Variants in TTLL5 observed in about 807,000 individuals in gnomAD.
The protein encoded by TTLL5 is tubulin tyrosine ligase like 5, also known as tubulin polyglutamylase TTLL5.
TTLL5 carries 132 observed loss-of-function variants against 168.4 expected under a neutral mutation model. The ratio of observed to expected loss-of-function variants is 0.78; its 90% CI spans 0.68 to 0.91. The LOEUF is 0.91. TTLL5 is among the 40% of genes least tolerant of loss of function. TTLL5 has a pLI of 0.00. For synonymous variants in TTLL5, 546 were observed against 558.6 expected (o/e 0.98, Z 0.32); for missense variants, 1,545 against 1,581.5 (o/e 0.98, Z 0.39).
At chr14:75,710,995 G>A (rs1337823974) in intron 9 of TTLL5, 1 of 152,036 alleles carries the variant, frequency 6.6e-6, no homozygotes, top group Non-Finnish European at 1.5e-5. Flanking sequence ...TTAATACTAG[G>A]CGACAGAAAG....
At chr14:75,950,737 G>A (rs1443597538) in intron 31 of TTLL5, among the ~76,000 whole-genome samples, 1 of 152,180 alleles carries the variant, frequency 6.6e-6, no homozygotes, top group Non-Finnish European at 1.5e-5. Context: ...GGTGGCCAAG[G>A]AGGGAGGATC....
intron 20 of TTLL5, among the ~76,000 whole-genome samples, chr14:75,768,223 G>C (rs1025851526): frequency 2.0e-5 from 3 of 152,212 alleles, no homozygotes; most frequent in Non-Finnish European, 4.4e-5. Context: ...AGATGTAGCA[G>C]TTAGAGCAAT....
chr14:75,863,914 A>G (rs780193704), intron 29 of TTLL5, 52 bp downstream of exon 29: 1 of 1,142,506 alleles, frequency 8.8e-7, no homozygotes, highest in Non-Finnish European at 1.2e-6. Context: ...CTGTTGGTAA[A>G]AAAAAAAAAA....
chr14:75,706,703 G>GT (rs1372329877), intron 7 of TTLL5, among the ~76,000 whole-genome samples: 1 of 151,910 alleles, frequency 6.6e-6, no homozygotes, highest in Non-Finnish European at 1.5e-5. Context: ...TTCTTGGCAG[G>GT]TAACTATTTA....
chr14:75,855,150 G>GAAAAAAAAAA (rs55874311), intron 28 of TTLL5, among the ~76,000 whole-genome samples: 1 of 130,498 alleles, frequency 7.7e-6, no homozygotes, highest in Non-Finnish European at 1.6e-5. Context: ...TATGCTAGAA[G>GAAAAAAAAAA]AAAAAAAAAA....
In TTLL5 at chr14:75,926,156, C is replaced by CTTTT. The variant is rs34048806; in HGVS notation, c.3823+23957_3823+23960dup. 3.1e-3 allele frequency among the ~76,000 whole-genome samples: 93 copies of CTTTT among 29,944 alleles called. 22 individuals carry two copies. Among genetic ancestry groups the CTTTT allele is most frequent in the African/African-American group, 8.5e-3 (44 of 5,176 alleles). 19.6% of individuals were successfully genotyped at this position (29,944 alleles called of 152,430 possible). ...TTAAAGACTAGGATTGCAACCCCAG[C>CTTTT]TTTTTTTTTTTTTTTTTTTTTTTTT... On this transcript the variant is annotated intron_variant, in intron 31 of 31. Transcript: ENST00000298832.
At chr14:75,884,571 G>A (rs2031997033) in intron 30 of TTLL5, among the ~76,000 whole-genome samples, 1 of 152,188 alleles carries the variant, frequency 6.6e-6, no homozygotes. Flanking sequence ...GCACAGAAGG[G>A]GGGAAAAAGC....
intron 28 of TTLL5, among the ~76,000 whole-genome samples, chr14:75,848,073 A>G (rs890867406): frequency 6.6e-6 from 1 of 151,906 alleles, no homozygotes; most frequent in African/African-American, 2.4e-5. Flanking sequence ...AGGTTTAAAA[A>G]AAAGGTGGAG....
chr14:75,783,388 T>A lies in TTLL5; in HGVS notation c.2844T>A (p.His948Gln), dbSNP rs770937698. The change falls in exon 26 of 32, where the codon CAT becomes CAA. Residue 948 changes from histidine (H) to glutamine (Q), a missense_variant. His to Gln is a conservative substitution (Grantham distance 24). Transcript: ENST00000298832. ...CTGCCAGTGCTTCTCCCTGCCTACA[T>A]CCCGGGGCACAGAACATCCCAAGCC... ...TVSASASPCL[H>Q]PGAQNIPSPT... The A allele has an allele frequency of 6.2e-7, 1 of 1,614,154 alleles. No homozygotes were observed. Among genetic ancestry groups the A allele is most frequent in the South Asian group, 1.1e-5 (1 of 91,076 alleles).
At chr14:75,685,663 A>G (rs1884989408) in intron 5 of TTLL5, among the ~76,000 whole-genome samples, 1 of 152,160 alleles carries the variant, frequency 6.6e-6, no homozygotes, top group Admixed American at 6.5e-5. Flanking sequence ...TACTTTTGCA[A>G]AATATGCATT....
chr14:75,808,868 C>T (rs988707261), intron 27 of TTLL5, among the ~76,000 whole-genome samples: 1 of 151,912 alleles, frequency 6.6e-6, no homozygotes, highest in African/African-American at 2.4e-5. Context: ...TCAAGTGATC[C>T]TCCTGCCTTG....
intron 31 of TTLL5, among the ~76,000 whole-genome samples, chr14:75,927,946 T>C (rs1188915393): frequency 6.6e-6 from 1 of 152,112 alleles, no homozygotes; most frequent in Non-Finnish European, 1.5e-5. Context: ...CTGCTGTTCC[T>C]AGGCACCCCT....
intron 21 of TTLL5, 149 bp downstream of exon 21, chr14:75,772,003 T>C: frequency 2.2e-6 from 2 of 906,644 alleles, no homozygotes; most frequent in Non-Finnish European, 3.2e-6. Context: ...CTTATAAATC[T>C]ATACTTACAA....
chr14:75,875,748 A>G (rs922678002), intron 29 of TTLL5, among the ~76,000 whole-genome samples: 1 of 152,194 alleles, frequency 6.6e-6, no homozygotes, highest in Non-Finnish European at 1.5e-5. Context: ...TGAATGAAAT[A>G]AAAACAGGCT....
chr14:75,782,588 ACC>A lies in TTLL5; in HGVS notation c.2602+16_2602+17del. ...TAAATTATCTCGTGAGTGATTTCAA[ACC>A]TACCTAGATTTGCTGCTCTCTGATA... On this transcript the variant is annotated intron_variant, in intron 25 of 31. Coordinates refer to ENST00000298832, the MANE Select transcript of TTLL5 (RefSeq NM_015072.5). The A allele has an allele frequency of 6.2e-7, 1 of 1,606,370 alleles. No homozygotes were observed. The highest frequency in any genetic ancestry group is 8.5e-7 in the Non-Finnish European group (1 of 1,174,092).
chr14:75,869,734 C>G (rs1223353817), intron 29 of TTLL5, among the ~76,000 whole-genome samples: 1 of 151,552 alleles, frequency 6.6e-6, no homozygotes, highest in East Asian at 1.9e-4. Flanking sequence ...TATATGCTGC[C>G]TCCTGCTGCT....
intron 29 of TTLL5, among the ~76,000 whole-genome samples, chr14:75,869,556 A>G (rs1387311861): frequency 6.6e-6 from 1 of 152,128 alleles, no homozygotes; most frequent in Non-Finnish European, 1.5e-5. Context: ...TTTTTGTATT[A>G]TCTCAGTGGA....
intron 18 of TTLL5, among the ~76,000 whole-genome samples, chr14:75,755,552 A>G (rs895187817): frequency 6.6e-6 from 1 of 152,128 alleles, no homozygotes; most frequent in Non-Finnish European, 1.5e-5. Flanking sequence ...AGTCTAATTT[A>G]GATTCCCAGA....
chr14:75,845,986 T>G (rs948383005), intron 28 of TTLL5, among the ~76,000 whole-genome samples: 3 of 152,152 alleles, frequency 2.0e-5, no homozygotes, highest in African/African-American at 7.2e-5. Context: ...GAAAAAAAAT[T>G]AGGGGCTGGT....
Sources: gnomAD v4.1 joint callset for allele counts (sites outside exome capture counted in the v4.1 genomes callset) on GRCh38, gnomAD v4.1.1 for gene constraint, MANE v1.5 for transcripts, NCBI Gene and HGNC (gene_info 2026-07-23, HGNC 2026-07-21) for gene names.